Variants in MARCO observed in about 807,000 individuals in gnomAD.
MARCO encodes macrophage receptor with collagenous structure.
MARCO carries 72 observed loss-of-function variants against 70.0 expected under a neutral mutation model. That is an observed-to-expected ratio of 1.03 (90% CI 0.85 to 1.25). The LOEUF (loss-of-function observed/expected upper bound fraction) is 1.25. Ranked by LOEUF, MARCO falls within the 50% of genes most tolerant of loss-of-function variation. The pLI is 0.00. For synonymous variants in MARCO, 273 were observed against 243.1 expected (o/e 1.12, Z -1.14); for missense variants, 696 against 659.3 (o/e 1.06, Z -0.61).
rs192404011 is a variant in MARCO at position 118,972,895 on chromosome 2, G to T, written c.460+1361G>T. On this transcript the variant is annotated intron_variant, in intron 4 of 16. Transcript: ENST00000327097. ...AAAATCTGCCTGTCACCCGCCCTAG[G>T]CACAGTGCTGCCCACCTCACCCCAG... 9.9e-5 allele frequency among the ~76,000 whole-genome samples: 15 copies of T among 152,256 alleles called. No homozygotes were observed. The East Asian group carries it at 2.9e-3, about 29-fold the overall frequency.
rs1403121415 is a variant in MARCO at position 118,981,486 on chromosome 2, T to C, written c.844T>C (p.Phe282Leu). The change falls in exon 9 of 17, where the codon TTC (phenylalanine) becomes CTC (leucine). Residue 282 changes from phenylalanine (F) to leucine (L), a missense_variant. Around this residue, in one of 3 missense-constraint regions of MARCO, gnomAD observed 605 missense variants for 537.6 expected, o/e 1.13. Transcript: ENST00000327097. ...TGGAGCCCAGGGGAGTAAAGGTGAC[T>C]TCGGGAGGCCAGGCCCACCAGGTAA... ...PPGAQGSKGDFGRPGPPGLAG... is the reference protein window; with the variant it reads ...PPGAQGSKGDLGRPGPPGLAG... The C allele has an allele frequency of 6.3e-7, 1 of 1,599,932 alleles. No individual in the cohort carries two copies. The highest frequency in any genetic ancestry group is 8.5e-7 in the Non-Finnish European group (1 of 1,176,882).
intron 1 of MARCO, among the ~76,000 whole-genome samples, chr2:118,955,230 C>G (rs1402851801): frequency 6.6e-6 from 1 of 151,452 alleles, no homozygotes; most frequent in East Asian, 1.9e-4. Context: ...GAGAAATACT[C>G]AAGAAAATAG....
Position 118,990,569 on chromosome 2 carries a change from C to CGGG in MARCO, c.1064-20_1064-19insGGG. The CGGG allele has an allele frequency of 1.1e-5, 15 of 1,415,792 alleles. No individual in the cohort carries two copies. The highest frequency in any genetic ancestry group is 1.5e-5 in the Non-Finnish European group (15 of 1,028,164). The allele number at this position is 1,415,792 out of a possible 1,614,324, so 87.7% of individuals were successfully genotyped here. On this transcript the variant is annotated intron_variant, in intron 12 of 16. Coordinates refer to ENST00000327097, the MANE Select transcript of MARCO (RefSeq NM_006770.4). The stretch of plus-strand genomic sequence containing the variant: ...AGTTTTATTATCTCCTCCCCCCCCC[C>CGGG]TTTTTTGTTTTGATCTTAGGACTTC...
rs772908466 is a variant in MARCO, at chr2:118,986,672, G to GGAAAAAAAGAAAGAAAGAAA, written c.1064-3913_1064-3912insAAAAGAAAGAAAGAAAGAAA. Among the ~76,000 whole-genome samples, 18 of 48,696 alleles carry GGAAAAAAAGAAAGAAAGAAA rather than the reference G, an allele frequency of 3.7e-4. 3 individuals carry two copies. The highest frequency in any genetic ancestry group is 2.3e-3 in the African/African-American group (17 of 7,462). 31.9% of individuals were successfully genotyped at this position (48,696 alleles called of 152,430 possible). A position where few individuals can be genotyped will look rare whatever the true frequency, so the allele number is the denominator to read the frequency against. ...AAGAAAGAAGGAAGGAAGGAAGGAA[G>GGAAAAAAAGAAAGAAAGAAA]GAAAGAAAGAAAGAAAGAAAGAAAG... is the stretch of plus-strand genomic sequence containing the variant. On this transcript the variant is annotated intron_variant, in intron 12 of 16. Transcript: ENST00000327097.
intron 1 of MARCO, among the ~76,000 whole-genome samples, chr2:118,958,822 GAA>G (rs1349585556): frequency 2.0e-5 from 3 of 152,070 alleles, no homozygotes. Flanking sequence ...TAGACCAATG[GAA>G]AAGAACAGAG....
At chr2:118,991,708 T>C in intron 13 of MARCO, 69 bp from the exon 14 acceptor site, 1 of 853,004 alleles carries the variant, frequency 1.2e-6, no homozygotes, top group Non-Finnish European at 1.8e-6. Flanking sequence ...TATTAAACAG[T>C]AATGCCCTTG....
intron 4 of MARCO, 116 bp from the exon 5 acceptor site, chr2:118,974,217 G>A: frequency 1.4e-6 from 1 of 711,504 alleles, no homozygotes. Context: ...CACACAGTTG[G>A]CTCATCCCCA....
intron 1 of MARCO, among the ~76,000 whole-genome samples, chr2:118,966,038 A>T (rs1045618043): frequency 1.6e-4 from 24 of 152,148 alleles, no homozygotes; most frequent in African/African-American, 5.6e-4. Context: ...ACACCCTACC[A>T]GCACTGCCTG....
chr2:118,942,829 T>A (rs766387140), intron 1 of MARCO, among the ~76,000 whole-genome samples: 1 of 152,202 alleles, frequency 6.6e-6, no homozygotes, highest in Non-Finnish European at 1.5e-5. Context: ...TTTAAGGGGA[T>A]TTCTGTTATA....
At chr2:118,944,881 A>C (rs78596148) in intron 1 of MARCO, 1 of 152,306 alleles carries the variant, frequency 6.6e-6, no homozygotes, top group Non-Finnish European at 1.5e-5. Context: ...AGCCTCCCTC[A>C]TTAGAACAAG....
intron 1 of MARCO, among the ~76,000 whole-genome samples, chr2:118,960,346 AG>A (rs1464453159): frequency 6.6e-6 from 1 of 152,156 alleles, no homozygotes; most frequent in Non-Finnish European, 1.5e-5. Context: ...TCGAATCTTA[AG>A]GGAAAAGTGT....
At chr2:118,955,292 T>C (rs1679814374) in intron 1 of MARCO, among the ~76,000 whole-genome samples, 1 of 152,104 alleles carries the variant, frequency 6.6e-6, no homozygotes, top group Non-Finnish European at 1.5e-5. Context: ...GACACACTTT[T>C]AGAGATGTGA....
At chr2:118,990,666 G>A (rs367986420) in intron 13 of MARCO, 33 bp downstream of exon 13, 2 of 1,601,178 alleles carry the variant, frequency 1.2e-6, no homozygotes, top group Non-Finnish European at 8.5e-7. Flanking sequence ...ATCCCTCGGA[G>A]TGATGACGGG....
intron 1 of MARCO, among the ~76,000 whole-genome samples, chr2:118,946,491 G>T (rs1028058989): frequency 3.3e-5 from 5 of 152,006 alleles, no homozygotes; most frequent in East Asian, 3.8e-4. Flanking sequence ...CATCCAAGTT[G>T]TATCCATCCA....
At position 118,981,601 on chromosome 2, in the gene MARCO, A is replaced by G. The variant is rs770945622; in HGVS notation, c.866-20A>G. 6.2e-7 allele frequency: 1 copy of G among 1,611,738 alleles called. No individual in the cohort carries two copies. Among genetic ancestry groups the G allele is most frequent in the Non-Finnish European group, 8.5e-7 (1 of 1,179,376 alleles). ...GAGCCAAAGGAAAAAAAAATTCCTA[A>G]AAGTTCTTTTTCATCTTAGGTTTGG... is the stretch of plus-strand genomic sequence containing the variant. On this transcript the variant is annotated intron_variant, in intron 9 of 16. Coordinates refer to ENST00000327097, the MANE Select transcript of MARCO (RefSeq NM_006770.4).
intron 3 of MARCO, 49 bp from the exon 4 acceptor site, chr2:118,971,450 C>T (rs2104580027): frequency 6.2e-7 from 1 of 1,602,212 alleles, no homozygotes; most frequent in East Asian, 2.2e-5. Context: ...GGGGCTTGGG[C>T]CAAGGGTACC....
chr2:118,946,103 A>C (rs1223167796), intron 1 of MARCO, among the ~76,000 whole-genome samples: 2 of 152,212 alleles, frequency 1.3e-5, no homozygotes, highest in Non-Finnish European at 2.9e-5. Flanking sequence ...AAGTAGTTAT[A>C]GAGTCAGAGA....
intron 4 of MARCO, among the ~76,000 whole-genome samples, chr2:118,973,269 C>T (rs1292769574): frequency 2.0e-5 from 3 of 151,944 alleles, no homozygotes; most frequent in African/African-American, 7.3e-5. Flanking sequence ...AAAACTCCAA[C>T]TATCTCTCTC....
chr2:118,952,218 G>C (rs1679735989), intron 1 of MARCO, among the ~76,000 whole-genome samples: 1 of 152,080 alleles, frequency 6.6e-6, no homozygotes, highest in Non-Finnish European at 1.5e-5. Flanking sequence ...TGCCTTGCCT[G>C]TCCTGGAAGG....
Sources: allele counts gnomAD v4.1 joint callset (sites outside exome capture counted in the v4.1 genomes callset), GRCh38; gene constraint gnomAD v4.1.1; regional missense constraint gnomAD v4.1.1; transcripts MANE v1.5; gene names NCBI Gene and HGNC (gene_info 2026-07-23, HGNC 2026-07-21).